CA10: variants seen among roughly 807,000 people sequenced by gnomAD.
The protein encoded by CA10 is carbonic anhydrase 10 (inactive), also known as carbonic anhydrase-related protein 10.
CA10 carries 14 observed loss-of-function variants against 44.2 expected under a neutral mutation model. That is an observed-to-expected ratio of 0.32 (90% confidence interval 0.21 to 0.50). The LOEUF (loss-of-function observed/expected upper bound fraction) is 0.50, where lower values mean the gene tolerates loss of function less well. CA10 is among the 20% of genes least tolerant of loss of function. The pLI, the probability that CA10 is intolerant of heterozygous loss-of-function variation, is 0.99. For missense variants in CA10, 350 were observed against 409.7 expected (o/e 0.85, Z 1.26); for synonymous variants, 159 against 141.6 (o/e 1.12, Z -0.87).
chr17:51,904,296 G>T (rs1981447317), intron 3 of CA10, among the ~76,000 whole-genome samples: 1 of 152,000 alleles, frequency 6.6e-6, no homozygotes, highest in Admixed American at 6.6e-5. Context: ...GGAGGAATGA[G>T]GCTGCCTGCT....
intron 2 of CA10, among the ~76,000 whole-genome samples, chr17:52,045,647 C>A (rs1986893008): frequency 6.6e-6 from 1 of 151,816 alleles, no homozygotes; most frequent in Non-Finnish European, 1.5e-5. Flanking sequence ...ATATGCAAAT[C>A]CACAAGGATA....
At chr17:51,684,404 C>A (rs780441833) in intron 4 of CA10, among the ~76,000 whole-genome samples, 2 of 152,178 alleles carry the variant, frequency 1.3e-5, no homozygotes, top group African/African-American at 4.8e-5. Context: ...AACCAGTGCA[C>A]CCCCACCGTT....
At chr17:51,811,473 C>A (rs1454331413) in intron 3 of CA10, among the ~76,000 whole-genome samples, 1 of 152,156 alleles carries the variant, frequency 6.6e-6, no homozygotes, top group African/African-American at 2.4e-5. Context: ...GTGTGATGTT[C>A]CCCACCCTGT....
intron 3 of CA10, among the ~76,000 whole-genome samples, chr17:51,826,320 T>C (rs1160524109): frequency 1.3e-5 from 2 of 152,118 alleles, no homozygotes; most frequent in African/African-American, 4.8e-5. Flanking sequence ...TTGCACCAGG[T>C]TGGTTCCGGG....
chr17:51,914,112 T>C (rs202119), intron 3 of CA10, among the ~76,000 whole-genome samples: 102,859 of 151,862 alleles, frequency 0.68, 35,183 homozygotes, highest in Non-Finnish European at 0.71. Flanking sequence ...TGATCCACTC[T>C]GAGCCCTGAG....
intron 2 of CA10, among the ~76,000 whole-genome samples, chr17:52,021,382 T>C (rs553750957): frequency 3.0e-4 from 46 of 152,208 alleles, no homozygotes; most frequent in Admixed American, 1.4e-3. Flanking sequence ...TGAGAAATCT[T>C]CAAACTGCTT....
Position 51,631,101 on chromosome 17 carries a change from C to G in CA10, c.*483G>C, listed in dbSNP as rs2143192305. ...GATCCTAGGACACTATCTGAAATTA[C>G]TTGATGCAAAGTCCGTTTGATGCCA... On this transcript the variant is annotated 3_prime_UTR_variant, in exon 9 of 9. Coordinates refer to ENST00000451037, the MANE Select transcript of CA10 (RefSeq NM_020178.5). The G allele has an allele frequency of 6.4e-6, 1 of 156,742 alleles. No individual in the cohort carries two copies. The highest frequency in any genetic ancestry group is 1.9e-4 in the East Asian group (1 of 5,314). The allele number at this position is 156,742 out of a possible 1,614,324, so 9.7% of individuals were successfully genotyped here.
chr17:51,970,108 A>G (rs116011698), intron 2 of CA10, among the ~76,000 whole-genome samples: 33 of 152,208 alleles, frequency 2.2e-4, no homozygotes, highest in African/African-American at 7.7e-4. Flanking sequence ...GAATTTTCAT[A>G]GCCTCTTTAA....
chr17:51,727,113 G>A (rs182774611), intron 4 of CA10, among the ~76,000 whole-genome samples: 102 of 152,278 alleles, frequency 6.7e-4, no homozygotes, highest in African/African-American at 2.4e-3. Flanking sequence ...ACACCATCTT[G>A]GGGGAGGCAA....
chr17:51,979,419 T>G (rs1338226146), intron 2 of CA10, among the ~76,000 whole-genome samples: 1 of 152,122 alleles, frequency 6.6e-6, no homozygotes, highest in African/African-American at 2.4e-5. Flanking sequence ...TTGTACAGAT[T>G]ATTTCATCAC....
upstream of CA10, chr17:52,159,712 C>G (rs1358158163): frequency 6.6e-6 from 1 of 152,280 alleles, no homozygotes; most frequent in Non-Finnish European, 1.5e-5. Context: ...CAGGGGCAGC[C>G]AGTCCGCAGA....
At position 51,822,946 on chromosome 17, in the gene CA10, A is replaced by G. The variant is rs533242638; in HGVS notation, c.280-75128T>C. On this transcript the variant is annotated intron_variant, in intron 3 of 8. Transcript: ENST00000451037. Reference sequence around the variant, plus strand: ...CCTTCTACAATGGCCTAAGGAGGAGACACAGCCTTACTCAACTGCCCTCCC... The same window carrying G: ...CCTTCTACAATGGCCTAAGGAGGAGGCACAGCCTTACTCAACTGCCCTCCC... Among the ~76,000 whole-genome samples the G allele has an allele frequency of 1.2e-4, 18 of 152,304 alleles. No individual in the cohort carries two copies. In the East Asian group the frequency reaches 3.5e-3, roughly 29 times the overall value.
intron 3 of CA10, among the ~76,000 whole-genome samples, chr17:51,905,576 T>C (rs1981514839): frequency 6.6e-6 from 1 of 150,438 alleles, no homozygotes; most frequent in African/African-American, 2.5e-5. Context: ...TGCTGCTGTC[T>C]TTCATCAAAC....
At chr17:51,923,019 A>G (rs1279850141) in intron 3 of CA10, among the ~76,000 whole-genome samples, 4 of 152,190 alleles carry the variant, frequency 2.6e-5, no homozygotes, top group Admixed American at 1.3e-4. Context: ...ATGAGTAAGA[A>G]TTGCATCCAC....
chr17:52,131,186 A>C (rs547732039), intron 1 of CA10, among the ~76,000 whole-genome samples: 1 of 152,238 alleles, frequency 6.6e-6, no homozygotes, highest in African/African-American at 2.4e-5. Flanking sequence ...AAATAAATGG[A>C]AATAATATAT....
chr17:51,925,732 A>G (rs1362625769), intron 3 of CA10, among the ~76,000 whole-genome samples: 1 of 152,208 alleles, frequency 6.6e-6, no homozygotes, highest in Non-Finnish European at 1.5e-5. Flanking sequence ...TGGTATATAC[A>G]TACAATGGAG....
At chr17:51,846,319 A>G (rs1275650317) in intron 3 of CA10, among the ~76,000 whole-genome samples, 1 of 152,242 alleles carries the variant, frequency 6.6e-6, no homozygotes, top group African/African-American at 2.4e-5. Flanking sequence ...CCATTTATAC[A>G]GCAGCCTCAG....
chr17:52,086,433 G>A (rs915309805), intron 1 of CA10, among the ~76,000 whole-genome samples: 1 of 152,122 alleles, frequency 6.6e-6, no homozygotes, highest in Non-Finnish European at 1.5e-5. Flanking sequence ...ATGGAAAAAA[G>A]CGTGGAGGAT....
At chr17:52,108,192 T>A (rs867027646) in intron 1 of CA10, among the ~76,000 whole-genome samples, 10 of 113,128 alleles carry the variant, frequency 8.8e-5, no homozygotes, top group South Asian at 8.1e-4. Flanking sequence ...TATATATATT[T>A]TTTATATATA....
Sources: gnomAD v4.1 joint callset for allele counts (sites outside exome capture counted in the v4.1 genomes callset) on GRCh38, gnomAD v4.1.1 for gene constraint, MANE v1.5 for transcripts, NCBI Gene and HGNC (gene_info 2026-07-23, HGNC 2026-07-21) for gene names.